INPP4B: variants seen among roughly 807,000 people sequenced by gnomAD.
INPP4B encodes the protein inositol polyphosphate-4-phosphatase type II B.
Under a neutral mutation model 122.5 loss-of-function variants are expected in INPP4B, and 55 were observed. That is an observed-to-expected ratio of 0.45 (90% CI 0.36 to 0.56). The LOEUF (loss-of-function observed/expected upper bound fraction) is 0.56, where lower values mean the gene tolerates loss of function less well. INPP4B is among the 20% of genes least tolerant of loss of function. The pLI is 0.00. For missense variants in INPP4B, 1,000 were observed against 1,097.7 expected (o/e 0.91, Z 1.26); for synonymous variants, 403 against 388.7 (o/e 1.04, Z -0.43).
intron 23 of INPP4B, among the ~76,000 whole-genome samples, chr4:142,097,307 T>G (rs1484368325): frequency 6.6e-6 from 1 of 151,648 alleles, no homozygotes; most frequent in Non-Finnish European, 1.5e-5. Context: ...CAGGCTGGAG[T>G]GCAATGGCGT....
At chr4:142,114,907 C>T (rs1282743467) in intron 21 of INPP4B, among the ~76,000 whole-genome samples, 1 of 151,826 alleles carries the variant, frequency 6.6e-6, no homozygotes, top group African/African-American at 2.4e-5. Flanking sequence ...AAGATAAAAA[C>T]CTCGAAAAAA....
intron 1 of INPP4B, among the ~76,000 whole-genome samples, chr4:142,776,863 T>A: frequency 6.6e-6 from 1 of 152,124 alleles, no homozygotes; most frequent in Non-Finnish European, 1.5e-5. Context: ...CTAGGAAAGC[T>A]CTAGTGAGCT....
chr4:142,472,804 T>A (rs1425554100), intron 2 of INPP4B, among the ~76,000 whole-genome samples: 1 of 152,226 alleles, frequency 6.6e-6, no homozygotes, highest in Non-Finnish European at 1.5e-5. Flanking sequence ...CAAACTTGCA[T>A]GAGGTCATAG....
At chr4:142,213,137 A>G (rs1845595917) in intron 12 of INPP4B, among the ~76,000 whole-genome samples, 1 of 152,162 alleles carries the variant, frequency 6.6e-6, no homozygotes, top group Non-Finnish European at 1.5e-5. Flanking sequence ...TTCTTAGGCT[A>G]TCGGATGTGG....
intron 7 of INPP4B, among the ~76,000 whole-genome samples, chr4:142,322,032 C>A (rs187265760): frequency 1.8e-3 from 274 of 152,244 alleles, no homozygotes; most frequent in African/African-American, 6.3e-3. Flanking sequence ...TAAGCACTGG[C>A]AATCTCAGAG....
intron 2 of INPP4B, chr4:142,560,374 T>C (rs2150116510): frequency 6.6e-6 from 1 of 152,300 alleles, no homozygotes; most frequent in East Asian, 1.9e-4. Context: ...ACTACTACTG[T>C]ATTAGTCAGA....
chr4:142,682,192 C>T (rs750801809), intron 2 of INPP4B, among the ~76,000 whole-genome samples: 1 of 151,826 alleles, frequency 6.6e-6, no homozygotes, highest in African/African-American at 2.4e-5. Context: ...CACAATTTCT[C>T]TAGGTTTATT....
intron 2 of INPP4B, chr4:142,496,948 A>C (rs1490358977): frequency 7.5e-5 from 2 of 26,706 alleles, no homozygotes; most frequent in Non-Finnish European, 4.3e-4. Flanking sequence ...GCAAATAGCT[A>C]AAAAAAAAGG....
At chr4:142,207,609 T>TCC (rs1422171651) in intron 14 of INPP4B, among the ~76,000 whole-genome samples, 1 of 152,072 alleles carries the variant, frequency 6.6e-6, no homozygotes, top group African/African-American at 2.4e-5. Flanking sequence ...GACCACAGCA[T>TCC]TAGTCGTTTA....
chr4:142,230,321 C>T (rs1047306907), intron 12 of INPP4B, among the ~76,000 whole-genome samples: 2 of 151,930 alleles, frequency 1.3e-5, no homozygotes, highest in South Asian at 2.1e-4. Context: ...TCTACCACAG[C>T]GAGGCTCATG....
At chr4:142,185,493 G>T (rs1324701101) in intron 15 of INPP4B, among the ~76,000 whole-genome samples, 1 of 151,340 alleles carries the variant, frequency 6.6e-6, no homozygotes. Flanking sequence ...GAGAAATTAG[G>T]CATATTATGC....
At chr4:142,315,110 A>C (rs754050948) in intron 7 of INPP4B, among the ~76,000 whole-genome samples, 3 of 152,204 alleles carry the variant, frequency 2.0e-5, no homozygotes, top group South Asian at 4.1e-4. Flanking sequence ...ATGCATGCAC[A>C]ATGAGTGTTC....
chr4:142,590,966 T>C (rs542714914), intron 2 of INPP4B, among the ~76,000 whole-genome samples: 81 of 147,676 alleles, frequency 5.5e-4, no homozygotes, highest in Non-Finnish European at 1.1e-3. Context: ...AAAAGAAGTA[T>C]AGAAGGTGAG....
intron 7 of INPP4B, among the ~76,000 whole-genome samples, chr4:142,384,886 G>T (rs1235896993): frequency 6.6e-6 from 1 of 152,020 alleles, no homozygotes; most frequent in East Asian, 1.9e-4. Flanking sequence ...GTTTACTAAG[G>T]ATCATGGCCT....
intron 1 of INPP4B, among the ~76,000 whole-genome samples, chr4:142,737,156 C>A (rs1767062337): frequency 6.6e-6 from 1 of 152,168 alleles, no homozygotes; most frequent in African/African-American, 2.4e-5. Context: ...ATTGCCAAGT[C>A]AATCCTAAGC....
At chr4:142,300,142 G>A (rs193266598) in intron 9 of INPP4B, among the ~76,000 whole-genome samples, 98 of 152,292 alleles carry the variant, frequency 6.4e-4, no homozygotes, top group African/African-American at 2.4e-3. Flanking sequence ...TCAGGTCACT[G>A]TGGGGGTTCA....
chr4:142,118,921 C>G (rs1795169955), intron 21 of INPP4B, among the ~76,000 whole-genome samples: 1 of 152,100 alleles, frequency 6.6e-6, no homozygotes, highest in African/African-American at 2.4e-5. Context: ...TATCCAGAAT[C>G]TACAAGAACT....
chr4:142,268,005 C>A (rs1402390875), intron 10 of INPP4B, among the ~76,000 whole-genome samples: 1 of 151,920 alleles, frequency 6.6e-6, no homozygotes, highest in Admixed American at 6.6e-5. Flanking sequence ...TACTATTTCA[C>A]ACATGTCAGA....
intron 6 of INPP4B, 31 bp from the exon 7 acceptor site, chr4:142,403,085 C>T (rs756793404): frequency 8.2e-6 from 10 of 1,216,226 alleles, no homozygotes; most frequent in Non-Finnish European, 1.2e-5. Context: ...AACTTTGATT[C>T]AATAAGGCAG....
Sources: gnomAD v4.1 joint callset for allele counts (sites outside exome capture counted in the v4.1 genomes callset) on GRCh38, gnomAD v4.1.1 for gene constraint, MANE v1.5 for transcripts, NCBI Gene and HGNC (gene_info 2026-07-23, HGNC 2026-07-21) for gene names.